SYNPR: variants seen among roughly 807,000 people sequenced by gnomAD.
SYNPR encodes synaptoporin.
Under a neutral mutation model 32.9 loss-of-function variants are expected in SYNPR, and 23 were observed. The observed-to-expected ratio is 0.70, with a 90% CI of 0.50 to 0.99. SYNPR has a LOEUF of 0.99. SYNPR is among the 50% of genes least tolerant of loss of function. The probability of loss-of-function intolerance (pLI) is 0.00; values close to 1 mark genes in which losing one functional copy is unlikely to be tolerated. For synonymous variants in SYNPR, 146 were observed against 135.9 expected, an observed-to-expected ratio of 1.07 and a Z score of -0.52; for missense variants, 318 against 349.3, an observed-to-expected ratio of 0.91 and a Z score of 0.71.
intron 3 of SYNPR, among the ~76,000 whole-genome samples, chr3:63,495,630 CTGT>C (rs940072625): frequency 6.6e-6 from 1 of 152,144 alleles, no homozygotes; most frequent in African/African-American, 2.4e-5. Flanking sequence ...GTCTTGCATT[CTGT>C]TGTTTAAGTT....
chr3:63,452,601 G>T (rs1700398474), intron 2 of SYNPR, among the ~76,000 whole-genome samples: 1 of 152,070 alleles, frequency 6.6e-6, no homozygotes, highest in South Asian at 2.1e-4. Flanking sequence ...CAGGCACCAT[G>T]CTCTATACCT....
intron 2 of SYNPR, among the ~76,000 whole-genome samples, chr3:63,383,348 G>A (rs1432156040): frequency 2.0e-5 from 3 of 152,178 alleles, no homozygotes; most frequent in Non-Finnish European, 4.4e-5. Context: ...TGAGCCAAGA[G>A]TGTCCTTTAT....
At chr3:63,603,245 C>T (rs1700070593) in intron 4 of SYNPR, among the ~76,000 whole-genome samples, 1 of 152,132 alleles carries the variant, frequency 6.6e-6, no homozygotes, top group African/African-American at 2.4e-5. Context: ...AGCTTCTGGG[C>T]AGAGACTATG....
intron 3 of SYNPR, among the ~76,000 whole-genome samples, chr3:63,485,758 C>T (rs1004336201): frequency 6.6e-6 from 1 of 152,030 alleles, no homozygotes; most frequent in Non-Finnish European, 1.5e-5. Context: ...AAATTTACGA[C>T]CTTGGTTGAA....
chr3:63,515,946 C>A (rs1701790753), intron 3 of SYNPR, among the ~76,000 whole-genome samples: 1 of 152,036 alleles, frequency 6.6e-6, no homozygotes, highest in Non-Finnish European at 1.5e-5. Flanking sequence ...ACTTATTTAA[C>A]CAGTCCCCTA....
intron 3 of SYNPR, among the ~76,000 whole-genome samples, chr3:63,507,296 G>A (rs570779188): frequency 6.6e-6 from 1 of 152,030 alleles, no homozygotes; most frequent in Non-Finnish European, 1.5e-5. Context: ...AAAATAATAT[G>A]TAATTGGTAT....
chr3:63,410,870 T>C lies in SYNPR; in HGVS notation c.85-69962T>C, dbSNP rs113312506. ...TGATGGTTGGGTTGAGTGCCTGACT[T>C]ATGAGGCTGCAGTGTGAACAGGAAG... On this transcript the variant is annotated intron_variant, in intron 2 of 5. Coordinates refer to ENST00000478300, the MANE Select transcript of SYNPR (RefSeq NM_001130003.2). Among the ~76,000 whole-genome samples, 6 of 152,200 alleles carry C rather than the reference T, an allele frequency of 3.9e-5. 1 individual carries two copies. Among genetic ancestry groups the C allele is most frequent in the East Asian group, 1.9e-4 (1 of 5,174 alleles).
chr3:63,394,661 G>A (rs1294919293), intron 2 of SYNPR, among the ~76,000 whole-genome samples: 1 of 152,100 alleles, frequency 6.6e-6, no homozygotes, highest in Non-Finnish European at 1.5e-5. Flanking sequence ...TCCCTAAGCA[G>A]TAAGTATGCT....
intron 2 of SYNPR, among the ~76,000 whole-genome samples, chr3:63,331,040 TG>T (rs1560194386): frequency 6.6e-6 from 1 of 152,326 alleles, no homozygotes; most frequent in East Asian, 1.9e-4. Context: ...TCATCATCAT[TG>T]TAAGGAAGGT....
intron 2 of SYNPR, among the ~76,000 whole-genome samples, chr3:63,409,060 A>G (rs2088426906): frequency 6.6e-6 from 1 of 152,054 alleles, no homozygotes; most frequent in South Asian, 2.1e-4. Context: ...GACTCCCTAA[A>G]GATCAATCCA....
rs116109404 is a variant in SYNPR at position 63,251,682 on chromosome 3, G to T, written n.67-817G>T. On this transcript the variant is annotated intron_variant and non_coding_transcript_variant, in intron 1 of 4. Coordinates refer to the SYNPR transcript ENST00000478456. ...GCAGGTTCTGACAGGACTGAAATGC[G>T]ATCCCGGGATGATCAGCAAAGATCT... Among the ~76,000 whole-genome samples the T allele has an allele frequency of 1.8e-4, 28 of 152,108 alleles. No homozygotes were observed. The East Asian group carries it at 3.9e-3, about 21-fold the overall frequency.
chr3:63,612,597 T>C (rs1327707772), intron 5 of SYNPR, among the ~76,000 whole-genome samples: 1 of 151,998 alleles, frequency 6.6e-6, no homozygotes, highest in Admixed American at 6.6e-5. Flanking sequence ...TCCAACAAAA[T>C]AGCAAAAAAG....
chr3:63,408,257 GAAAGAAAGAAAGAAAGAAAGAGGAAGGA>G (rs2088401022), intron 2 of SYNPR, among the ~76,000 whole-genome samples: 1 of 121,300 alleles, frequency 8.2e-6, no homozygotes, highest in African/African-American at 3.6e-5. Context: ...AAGAAAGAAA[GAAAGAAAGAAAGAAAGAAAGAGGAAGGA>G]AGGAAGGAAG....
chr3:63,448,652 G>T (rs1015435594), intron 2 of SYNPR, among the ~76,000 whole-genome samples: 3 of 152,124 alleles, frequency 2.0e-5, no homozygotes, highest in Non-Finnish European at 4.4e-5. Flanking sequence ...AAAAAGTCTG[G>T]AATGTGGATG....
intron 3 of SYNPR, among the ~76,000 whole-genome samples, chr3:63,494,420 T>TATATATAGACACAC (rs1701322145): frequency 2.1e-5 from 1 of 48,030 alleles, no homozygotes; most frequent in Non-Finnish European, 3.7e-5. Context: ...TATATATACG[T>TATATATAGACACAC]ATATATATAT....
In SYNPR at chr3:63,436,484, G is replaced by T. The variant is rs1029481940; in HGVS notation, c.85-44348G>T. ...TGCTAAGAATGATGGTTTTAGCTGTGATATGTAAAACCTGAGTCGCCTTGT... is the reference window on the plus strand; with the variant it reads ...TGCTAAGAATGATGGTTTTAGCTGTTATATGTAAAACCTGAGTCGCCTTGT... On this transcript the variant is annotated intron_variant, in intron 2 of 5. Coordinates refer to ENST00000478300, the MANE Select transcript of SYNPR (RefSeq NM_001130003.2). Among the ~76,000 whole-genome samples, 3 of 152,042 alleles carry T rather than the reference G, an allele frequency of 2.0e-5. No homozygotes were observed. The East Asian group carries it at 5.8e-4, about 29-fold the overall frequency.
intron 2 of SYNPR, among the ~76,000 whole-genome samples, chr3:63,378,981 C>T (rs958214986): frequency 6.6e-6 from 1 of 152,076 alleles, no homozygotes; most frequent in African/African-American, 2.4e-5. Flanking sequence ...ATGTGTTTTA[C>T]ACATTGTGAT....
chr3:63,558,631 C>T (rs1702631310), intron 4 of SYNPR, among the ~76,000 whole-genome samples: 1 of 152,124 alleles, frequency 6.6e-6, no homozygotes. Context: ...AGCCACTCTA[C>T]CTGGCTATTT....
chr3:63,421,266 C>T (rs1444152958), intron 2 of SYNPR, among the ~76,000 whole-genome samples: 11 of 151,776 alleles, frequency 7.2e-5, no homozygotes, highest in African/African-American at 1.2e-4. Context: ...AATCAGGAAA[C>T]GTCAAATTAA....
Sources: allele counts gnomAD v4.1 joint callset (sites outside exome capture counted in the v4.1 genomes callset), GRCh38; gene constraint gnomAD v4.1.1; transcripts MANE v1.5; gene names NCBI Gene and HGNC (gene_info 2026-07-23, HGNC 2026-07-21).